Variants in IL21R observed in about 807,000 individuals in gnomAD.
IL21R encodes the protein interleukin-21 receptor.
In IL21R, 14 loss-of-function variants were observed where a neutral mutation model predicts 41.3. The ratio of observed to expected loss-of-function variants is 0.34; its 90% CI spans 0.22 to 0.53. The LOEUF (loss-of-function observed/expected upper bound fraction) is 0.53. IL21R is among the 20% of genes least tolerant of loss of function. The pLI is 0.94. For synonymous variants in IL21R, 286 were observed against 287.6 expected (o/e 0.99, Z 0.05); for missense variants, 588 against 681.6 (o/e 0.86, Z 1.53).
At chr16:27,419,662 A>G (rs1375742294) in intron 1 of IL21R, among the ~76,000 whole-genome samples, 4 of 152,078 alleles carry the variant, frequency 2.6e-5, no homozygotes, top group African/African-American at 9.7e-5. Flanking sequence ...TCCTGACCTC[A>G]AGTGATCTGC....
At chr16:27,444,801 T>C (rs1244976029) in intron 6 of IL21R, 82 bp downstream of exon 6, 10 of 1,271,172 alleles carry the variant, frequency 7.9e-6, no homozygotes, top group Non-Finnish European at 1.1e-5. Flanking sequence ...CTGAGCTTTC[T>C]GGCACAGCTG....
chr16:27,446,126 C>G, intron 8 of IL21R, 38 bp downstream of exon 8: 1 of 1,565,100 alleles, frequency 6.4e-7, no homozygotes. Flanking sequence ...CTCGGAGCCC[C>G]TCCTCCTCTT....
chr16:27,434,571 GC>G, intron 3 of IL21R, 122 bp downstream of exon 3: 1 of 661,910 alleles, frequency 1.5e-6, no homozygotes, highest in South Asian at 1.8e-5. Flanking sequence ...ACCACTCAGG[GC>G]TCACAGGACT....
chr16:27,430,545 G>A (rs373876550), intron 2 of IL21R, among the ~76,000 whole-genome samples: 9 of 152,262 alleles, frequency 5.9e-5, no homozygotes, highest in East Asian at 3.9e-4. Context: ...CACCGGGTGC[G>A]GTGGCTCCTA....
intron 5 of IL21R, among the ~76,000 whole-genome samples, chr16:27,443,373 G>T (rs1258330330): frequency 6.6e-6 from 1 of 152,110 alleles, no homozygotes; most frequent in African/African-American, 2.4e-5. Context: ...CCCTTCCCCA[G>T]ACTCCACCCC....
In IL21R at chr16:27,450,679, G is replaced by C. The variant is rs1228859485; in HGVS notation, c.*1396G>C. The C allele has an allele frequency of 4.5e-6, 1 of 222,348 alleles. No homozygotes were observed. Among genetic ancestry groups the C allele is most frequent in the East Asian group, 6.5e-5 (1 of 15,374 alleles). 13.8% of individuals were successfully genotyped at this position (222,348 alleles called of 1,614,324 possible). On this transcript the variant is annotated 3_prime_UTR_variant, in exon 9 of 9. Coordinates refer to ENST00000337929, the MANE Select transcript of IL21R (RefSeq NM_181078.3). ...GGCTCTCTGCAACCTCTGTCTCCCG[G>C]GTTCAAGCGATTTCCTGCGTCAGCC...
chr16:27,443,209 A>T, intron 5 of IL21R, 93 bp downstream of exon 5: 1 of 1,191,730 alleles, frequency 8.4e-7, no homozygotes, highest in Non-Finnish European at 1.2e-6. Context: ...GGTGAACAAC[A>T]TCATTCATGG....
Position 27,437,686 on chromosome 16 carries a change from C to A in IL21R, c.351C>A (p.Ser117Arg). Residue 117 changes from serine (S) to arginine (R), a missense_variant and splice_region_variant, in exon 4 of 9, where the codon AGC becomes AGA. By Grantham distance (110) the Ser-to-Arg change is moderately radical (BLOSUM62 -1). Transcript: ENST00000337929. ...GTGGCAGCTTTCTCCTGGCTGAGAG[C>A]AGTGAGTATCCTGGGACCCCAGGCT... ...QECGSFLLAE[S>R]IKPAPPFNVT... is the part of the protein sequence containing the mutation. The A allele has an allele frequency of 6.2e-7, 1 of 1,613,238 alleles. No homozygotes were observed. The highest frequency in any genetic ancestry group is 8.5e-7 in the Non-Finnish European group (1 of 1,179,262).
intron 1 of IL21R, among the ~76,000 whole-genome samples, chr16:27,424,044 T>C (rs1369526740): frequency 6.6e-6 from 1 of 152,150 alleles, no homozygotes; most frequent in Non-Finnish European, 1.5e-5. Flanking sequence ...AAATGGTATG[T>C]CATTGTGGTT....
At chr16:27,408,481 G>A (rs1443090997) in intron 1 of IL21R, among the ~76,000 whole-genome samples, 1 of 152,188 alleles carries the variant, frequency 6.6e-6, no homozygotes, top group African/African-American at 2.4e-5. Flanking sequence ...GAGAGCCATG[G>A]AATGACACGG....
chr16:27,424,744 G>A (rs575332142), intron 1 of IL21R, among the ~76,000 whole-genome samples: 12 of 152,266 alleles, frequency 7.9e-5, no homozygotes, highest in South Asian at 4.2e-4. Flanking sequence ...GTGCTGCAGC[G>A]GTGTGTCAGG....
At chr16:27,406,041 C>T (rs2141254552) in intron 1 of IL21R, among the ~76,000 whole-genome samples, 1 of 152,394 alleles carries the variant, frequency 6.6e-6, no homozygotes, top group East Asian at 1.9e-4. Flanking sequence ...GGACAAGGCC[C>T]TGGGCCTCTC....
chr16:27,404,845 T>C (rs2086713577), intron 1 of IL21R, among the ~76,000 whole-genome samples: 1 of 152,130 alleles, frequency 6.6e-6, no homozygotes, highest in African/African-American at 2.4e-5. Flanking sequence ...GGAATAAGAA[T>C]GCCTGTCTTA....
intron 1 of IL21R, among the ~76,000 whole-genome samples, chr16:27,404,218 C>A (rs1420085436): frequency 6.6e-6 from 1 of 152,100 alleles, no homozygotes; most frequent in Non-Finnish European, 1.5e-5. Context: ...AGGAGGGTGT[C>A]CGGATCCTTA....
Position 27,434,364 on chromosome 16 carries a change from C to G in IL21R, c.67C>G (p.Leu23Val). 6.2e-7 allele frequency: 1 copy of G among 1,613,682 alleles called. No homozygotes were observed. The highest frequency in any genetic ancestry group is 8.5e-7 in the Non-Finnish European group (1 of 1,179,760). Residue 23 changes from leucine to valine, a missense_variant, in exon 3 of 9, where the codon CTC becomes GTC. Transcript: ENST00000337929. ...CCCTCCAGGCTGGGGCTGCCCCGAC[C>G]TCGTCTGCTACACCGATTACCTCCA... ...LLQGGWGCPD[L>V]VCYTDYLQTV...
chr16:27,424,826 AT>A (rs1296306168), intron 1 of IL21R, among the ~76,000 whole-genome samples: 1 of 152,156 alleles, frequency 6.6e-6, no homozygotes, highest in Non-Finnish European at 1.5e-5. Context: ...TAATTGGCTC[AT>A]GGTTCTGCAG....
At chr16:27,439,391 A>G (rs2087336888) in intron 4 of IL21R, among the ~76,000 whole-genome samples, 1 of 150,388 alleles carries the variant, frequency 6.6e-6, no homozygotes, top group Non-Finnish European at 1.5e-5. Flanking sequence ...CACGTACACA[A>G]TACACACACA....
chr16:27,403,516 C>T (rs1378557847), intron 1 of IL21R, among the ~76,000 whole-genome samples: 1 of 152,162 alleles, frequency 6.6e-6, no homozygotes, highest in Non-Finnish European at 1.5e-5. Flanking sequence ...CAGGTCAAAA[C>T]CCGGCCACGC....
intron 1 of IL21R, among the ~76,000 whole-genome samples, chr16:27,427,877 T>C (rs562915733): frequency 6.6e-6 from 1 of 152,312 alleles, no homozygotes; most frequent in South Asian, 2.1e-4. Context: ...TAAAAGCAGG[T>C]TGAAACTGCA....
Sources: allele counts gnomAD v4.1 joint callset (sites outside exome capture counted in the v4.1 genomes callset), GRCh38; gene constraint gnomAD v4.1.1; transcripts MANE v1.5; gene names NCBI Gene and HGNC (gene_info 2026-07-23, HGNC 2026-07-21).